TENM2: variants seen among roughly 807,000 people sequenced by gnomAD.
TENM2 encodes teneurin-2.
Under a neutral mutation model 245.2 loss-of-function variants are expected in TENM2, and 52 were observed. That is an observed-to-expected ratio of 0.21 (90% CI 0.17 to 0.27). The LOEUF (loss-of-function observed/expected upper bound fraction) is 0.27, where lower values mean the gene tolerates loss of function less well. Among genes scored for constraint, TENM2 ranks in the 10% least tolerant of loss-of-function variants. The pLI is 1.00. For missense variants in TENM2, 3,046 were observed against 3,666.8 expected (o/e 0.83, Z 4.37); for synonymous variants, 1,363 against 1,438.9 (o/e 0.95, Z 1.19).
At chr5:168,228,404 G>A (rs916243079) in intron 25 of TENM2, among the ~76,000 whole-genome samples, 1 of 152,140 alleles carries the variant, frequency 6.6e-6, no homozygotes, top group Admixed American at 6.6e-5. Flanking sequence ...TGAAAAAGGC[G>A]GCCATTTCCT....
At chr5:167,821,446 G>T (rs1767518250) in intron 2 of TENM2, among the ~76,000 whole-genome samples, 1 of 152,298 alleles carries the variant, frequency 6.6e-6, no homozygotes, top group Admixed American at 6.5e-5. Context: ...AGTTTGATTG[G>T]GAAGGAAGGC....
At chr5:167,284,497 G>A (rs1218360784), upstream of TENM2, among the ~76,000 whole-genome samples, 1 of 152,182 alleles carries the variant, frequency 6.6e-6, no homozygotes, top group East Asian at 1.9e-4. Context: ...CATGTCATCT[G>A]TGCATACAAA....
intron 3 of TENM2, among the ~76,000 whole-genome samples, chr5:167,887,573 G>A (rs948017067): frequency 6.6e-6 from 1 of 152,196 alleles, no homozygotes; most frequent in African/African-American, 2.4e-5. Flanking sequence ...TGTCTAACCT[G>A]CGTCTTCCTT....
chr5:167,731,926 ATTTG>A (rs1760467792), intron 2 of TENM2, among the ~76,000 whole-genome samples: 1 of 152,082 alleles, frequency 6.6e-6, no homozygotes, highest in Non-Finnish European at 1.5e-5. Flanking sequence ...CCTACTTCTA[ATTTG>A]TTGATGTTTT....
At chr5:167,494,581 G>T (rs905905886) in intron 2 of TENM2, among the ~76,000 whole-genome samples, 2 of 151,914 alleles carry the variant, frequency 1.3e-5, no homozygotes, top group Non-Finnish European at 2.9e-5. Context: ...AAGATTAGTA[G>T]GAGAAATAGG....
chr5:167,164,573 A>G, the TENM2 span, among the ~76,000 whole-genome samples: 1 of 152,214 alleles, frequency 6.6e-6, no homozygotes, highest in Non-Finnish European at 1.5e-5. Context: ...CAATCTAGAC[A>G]CGAGAGGCTC....
At chr5:167,515,907 C>T (rs1038023727) in intron 2 of TENM2, among the ~76,000 whole-genome samples, 3 of 151,972 alleles carry the variant, frequency 2.0e-5, no homozygotes, top group African/African-American at 7.2e-5. Flanking sequence ...GTTAATTACA[C>T]TCATTTAGCC....
chr5:168,048,419 C>T (rs910575725), intron 6 of TENM2, among the ~76,000 whole-genome samples: 1 of 152,112 alleles, frequency 6.6e-6, no homozygotes, highest in African/African-American at 2.4e-5. Context: ...CCCCACATTT[C>T]GGAAACACCC....
At chr5:167,886,119 T>G (rs532853336) in intron 3 of TENM2, among the ~76,000 whole-genome samples, 1 of 152,336 alleles carries the variant, frequency 6.6e-6, no homozygotes, top group South Asian at 2.1e-4. Flanking sequence ...CTAGAGGACA[T>G]GGACACCATT....
intron 2 of TENM2, among the ~76,000 whole-genome samples, chr5:167,699,990 A>T (rs1758031019): frequency 1.3e-5 from 2 of 152,226 alleles, no homozygotes; most frequent in Admixed American, 1.3e-4. Flanking sequence ...ACTTCTGTAA[A>T]TGCAATAATA....
intron 2 of TENM2, among the ~76,000 whole-genome samples, chr5:167,382,699 G>A (rs191030880): frequency 6.6e-6 from 1 of 152,214 alleles, no homozygotes; most frequent in African/African-American, 2.4e-5. Context: ...AAACACCATG[G>A]CAGTCTTTCC....
intron 2 of TENM2, among the ~76,000 whole-genome samples, chr5:167,853,083 G>A (rs1399042385): frequency 2.0e-5 from 3 of 151,410 alleles, no homozygotes; most frequent in Non-Finnish European, 4.4e-5. Context: ...ACAGGAGATC[G>A]AGACCATCCT....
At chr5:167,507,599 C>A (rs10057539) in intron 2 of TENM2, among the ~76,000 whole-genome samples, 4,159 of 152,222 alleles carry the variant, frequency 0.027, 115 homozygotes, top group East Asian at 0.08. Flanking sequence ...TGACATCATG[C>A]AAATGGTGGC....
intron 2 of TENM2, among the ~76,000 whole-genome samples, chr5:167,485,723 C>T (rs1046897300): frequency 5.3e-5 from 8 of 151,922 alleles, no homozygotes; most frequent in African/African-American, 1.7e-4. Flanking sequence ...CTAAATACCC[C>T]GACAAGTTGC....
At chr5:167,522,381 TG>T (rs150742250) in intron 2 of TENM2, among the ~76,000 whole-genome samples, 3,696 of 152,180 alleles carry the variant, frequency 0.024, 144 homozygotes, top group East Asian at 0.19. Flanking sequence ...CTGATGATTA[TG>T]AAAAAGAGGT....
At chr5:168,124,380 G>A (rs1196898663) in intron 10 of TENM2, among the ~76,000 whole-genome samples, 1 of 152,136 alleles carries the variant, frequency 6.6e-6, no homozygotes, top group Non-Finnish European at 1.5e-5. Flanking sequence ...GTTACCTTTT[G>A]AAGTCAAGTA....
chr5:167,993,616 G>C (rs925663893), intron 5 of TENM2, among the ~76,000 whole-genome samples: 1 of 152,332 alleles, frequency 6.6e-6, no homozygotes, highest in Non-Finnish European at 1.5e-5. Flanking sequence ...AGAACATCTT[G>C]ATTCGAGAGA....
intron 2 of TENM2, among the ~76,000 whole-genome samples, chr5:167,399,876 G>A (rs1263448136): frequency 6.6e-6 from 1 of 151,746 alleles, no homozygotes; most frequent in African/African-American, 2.4e-5. Context: ...CATTGTTCTT[G>A]TAAAGAAACA....
At chr5:168,074,927 A>G (rs918007783) in intron 7 of TENM2, among the ~76,000 whole-genome samples, 1 of 152,156 alleles carries the variant, frequency 6.6e-6, no homozygotes, top group Non-Finnish European at 1.5e-5. Flanking sequence ...AAACTACCCA[A>G]TGTACACTTT....
Sources: gnomAD v4.1 joint callset for allele counts (sites outside exome capture counted in the v4.1 genomes callset) on GRCh38, gnomAD v4.1.1 for gene constraint, MANE v1.5 for transcripts, NCBI Gene and HGNC (gene_info 2026-07-23, HGNC 2026-07-21) for gene names.